The following OR10D3 variants were observed in gnomAD, a reference collection of about 807,000 sequenced individuals.
The protein encoded by OR10D3 is olfactory receptor family 10 subfamily D member 3, also known as olfactory receptor 10D3.
For missense variants in OR10D3, 286 were observed against 153.7 expected (o/e 1.86, Z -4.55); for synonymous variants, 100 against 57.6 (o/e 1.74, Z -3.33).
chr11:124,185,770 A>G (rs574719639), exon 2 of OR10D3: 7 of 703,592 alleles, frequency 9.9e-6, no homozygotes, highest in Middle Eastern at 2.3e-4. Flanking sequence ...TCACCTTGCC[A>G]TACTGTGGTC....
chr11:124,185,616 C>T lies in OR10D3; in HGVS notation c.347C>T (p.Thr116Met), dbSNP rs537605764. The change falls in exon 2 of 2, where the codon ACG becomes ATG. Residue 116 changes from threonine to methionine, a missense_variant. Thr to Met is a moderately conservative substitution (Grantham distance 81, BLOSUM62 -1). Transcript: ENST00000641351. ...GGGAGCATTGAGTGCTTCTTGTTTA[C>T]GGTGATGGCCTATGACCGCTTCACT... 123 of 703,592 alleles carry T rather than the reference C, an allele frequency of 1.7e-4. 1 individual carries two copies. Among genetic ancestry groups the T allele is most frequent in the South Asian group, 1.4e-3 (92 of 67,600 alleles). The allele number at this position is 703,592 out of a possible 1,614,324, so 43.6% of individuals were successfully genotyped here. A position where few individuals can be genotyped will look rare whatever the true frequency, so the allele number is the denominator to read the frequency against.
chr11:124,184,601 GA>G (rs912415451), intron 1 of OR10D3, among the ~76,000 whole-genome samples: 14 of 150,362 alleles, frequency 9.3e-5, no homozygotes, highest in African/African-American at 3.2e-4. Flanking sequence ...TGTTTAAAAA[GA>G]AAAAAAAAGA....
intron 1 of OR10D3, 41 bp from the exon 2 acceptor site, chr11:124,185,218 A>T (rs1361380580): frequency 1.4e-5 from 9 of 650,778 alleles, no homozygotes; most frequent in Non-Finnish European, 2.2e-5. Context: ...CAGCAAGCCA[A>T]GGCATTCTTC....
rs1861223874 is a variant in OR10D3, at chr11:124,186,142, GAATA to G, written c.875_878del (p.Asn292ArgfsTer3). 1 of 702,854 alleles carries G rather than the reference GAATA, an allele frequency of 1.4e-6. No individual in the cohort carries two copies. The highest frequency in any genetic ancestry group is 1.5e-5 in the South Asian group (1 of 67,592). The allele number at this position is 702,854 out of a possible 1,614,324, so 43.5% of individuals were successfully genotyped here. A position where few individuals can be genotyped will look rare whatever the true frequency, so the allele number is the denominator to read the frequency against. ...TGAACCCTTTGATCTATACCTTGAG[GAATA>G]AGGAAGTAAAAACAGCCCTGAAAAC... On this transcript the variant is annotated frameshift_variant, in exon 2 of 2. Transcript: ENST00000641351. LOFTEE classifies it low-confidence loss of function (END_TRUNC).
chr11:124,186,278 A>G, exon 2 of OR10D3: 4 of 626,414 alleles, frequency 6.4e-6, no homozygotes, highest in South Asian at 1.9e-5. Context: ...TCATTCTGGA[A>G]TCTTCATATG....
exon 2 of OR10D3, chr11:124,186,500 A>ATTTT (rs57201296): frequency 0.02 from 2,943 of 150,252 alleles, 97 homozygotes; most frequent in African/African-American, 0.051. Context: ...CCATCCTGCC[A>ATTTT]TTTTTTTTTT....
intron 1 of OR10D3, among the ~76,000 whole-genome samples, chr11:124,184,744 A>G (rs144347638): frequency 6.6e-6 from 1 of 152,306 alleles, no homozygotes; most frequent in East Asian, 1.9e-4. Context: ...ATGAACGGAG[A>G]TCATGTTGTA....
chr11:124,185,171 G>T, intron 1 of OR10D3, 88 bp from the exon 2 acceptor site: 1 of 604,118 alleles, frequency 1.7e-6, no homozygotes, highest in South Asian at 2.0e-5. Context: ...TCACTTAATT[G>T]ACAAGTTTTA....
chr11:124,186,030 C>A (rs1018739227), exon 2 of OR10D3: 2 of 703,328 alleles, frequency 2.8e-6, no homozygotes, highest in African/African-American at 3.5e-5. Context: ...GCCTATGGGC[C>A]CATCATCACT....
exon 2 of OR10D3, chr11:124,186,467 T>A: frequency 3.7e-6 from 1 of 271,958 alleles, no homozygotes; most frequent in Non-Finnish European, 6.8e-6. Flanking sequence ...GAGAATTGCC[T>A]GTCCCTGGAA....
chr11:124,185,422 T>C, exon 2 of OR10D3: 1 of 703,156 alleles, frequency 1.4e-6, no homozygotes, highest in East Asian at 2.7e-5. Flanking sequence ...CTGTTATGTC[T>C]TCTGCTCGCC....
exon 2 of OR10D3, chr11:124,186,755 A>G (rs7941464): frequency 0.42 from 63,630 of 152,290 alleles, 13,344 homozygotes; most frequent in East Asian, 0.49. Context: ...CTGACCCCAT[A>G]CCTGATTGCT....
At chr11:124,186,104 G>A (rs1033739735) in exon 2 of OR10D3, 1 of 703,164 alleles carries the variant, frequency 1.4e-6, no homozygotes, top group Admixed American at 2.0e-5. Context: ...CATGAATCTG[G>A]TAGGACCAAT....
At chr11:124,183,450 C>CTTTCTCTCTCTT (rs1273819038) in intron 1 of OR10D3, 67 bp downstream of exon 1, 18 of 148,014 alleles carry the variant, frequency 1.2e-4, no homozygotes, top group Non-Finnish European at 1.5e-4. Flanking sequence ...TTCTCTCTCT[C>CTTTCTCTCTCTT]TTTCTCTCTC....
At chr11:124,187,083 G>C (rs1298220475) in exon 2 of OR10D3, 2 of 152,118 alleles carry the variant, frequency 1.3e-5, no homozygotes, top group Non-Finnish European at 2.9e-5. Flanking sequence ...ACTGGAGAAA[G>C]TTTGAAAGCT....
exon 2 of OR10D3, chr11:124,186,233 G>T (rs1436760409): frequency 1.5e-6 from 1 of 654,146 alleles, no homozygotes; most frequent in African/African-American, 1.8e-5. Flanking sequence ...TGGGTGCATG[G>T]CTCTGGAATT....
At chr11:124,188,242 G>T (rs1861246870) in exon 2 of OR10D3, 1 of 152,268 alleles carries the variant, frequency 6.6e-6, no homozygotes, top group African/African-American at 2.4e-5. Flanking sequence ...ACTCAAAAAA[G>T]AAGGGCCACA....
chr11:124,187,850 C>A (rs1440301022), exon 2 of OR10D3: 1 of 152,210 alleles, frequency 6.6e-6, no homozygotes, highest in Admixed American at 6.5e-5. Flanking sequence ...AAAACTATCT[C>A]ATTTAATCCT....
At chr11:124,185,872 C>G in exon 2 of OR10D3, 1 of 703,390 alleles carries the variant, frequency 1.4e-6, no homozygotes, top group South Asian at 1.5e-5. Context: ...TGAGCTTCAC[C>G]AACGTTGGCC....
Sources: allele counts gnomAD v4.1 joint callset (sites outside exome capture counted in the v4.1 genomes callset), GRCh38; gene constraint gnomAD v4.1.1; transcripts MANE v1.5; gene names NCBI Gene and HGNC (gene_info 2026-07-23, HGNC 2026-07-21).